Variants in FOXN3 observed in about 807,000 individuals in gnomAD.
The protein encoded by FOXN3 is forkhead box N3.
Under a neutral mutation model 38.4 loss-of-function variants are expected in FOXN3, and 7 were observed. The observed-to-expected ratio is 0.18, with a 90% CI of 0.10 to 0.34. The LOEUF is 0.34. Among genes scored for constraint, FOXN3 ranks in the 10% least tolerant of loss-of-function variants. The probability of loss-of-function intolerance (pLI) is 1.00; values close to 1 mark genes in which losing one functional copy is unlikely to be tolerated. For synonymous variants in FOXN3, 230 were observed against 242.2 expected, an observed-to-expected ratio of 0.95 and a Z score of 0.47; for missense variants, 456 against 613.4, an observed-to-expected ratio of 0.74 and a Z score of 2.71.
intron 1 of FOXN3, among the ~76,000 whole-genome samples, chr14:89,467,357 G>C (rs1432700214): frequency 6.6e-6 from 1 of 152,160 alleles, no homozygotes; most frequent in Non-Finnish European, 1.5e-5. Context: ...AAAGGGGCTG[G>C]GAACATGGGA....
At position 89,505,128 on chromosome 14, in the gene FOXN3, C is replaced by T. The variant is rs1351913339; in HGVS notation, c.-14-92638G>A. Among the ~76,000 whole-genome samples the T allele has an allele frequency of 2.6e-5, 4 of 152,184 alleles. No individual in the cohort carries two copies. The South Asian group carries it at 8.3e-4, about 32-fold the overall frequency. Reference sequence around the variant, plus strand: ...TGATGGTCAAATCTTACCTCTGCAGCCTAAACTAGATCAGAGATGCAGCAT... The same window carrying T: ...TGATGGTCAAATCTTACCTCTGCAGTCTAAACTAGATCAGAGATGCAGCAT... On this transcript the variant is annotated intron_variant, in intron 1 of 6. Coordinates refer to the FOXN3 transcript ENST00000345097.
chr14:89,245,260 G>A (rs1481054975), intron 4 of FOXN3, among the ~76,000 whole-genome samples: 4 of 152,074 alleles, frequency 2.6e-5, no homozygotes, highest in East Asian at 1.9e-4. Context: ...TGGGTCATTC[G>A]GGGCCCTTTC....
chr14:89,594,875 A>C (rs1393378920), intron 1 of FOXN3, among the ~76,000 whole-genome samples: 1 of 152,062 alleles, frequency 6.6e-6, no homozygotes, highest in East Asian at 1.9e-4. Context: ...CTGTGTCAAA[A>C]AAAAAAGTAC....
rs867671987 is a variant in FOXN3 at position 89,425,905 on chromosome 14, G to A, written c.-14-13415C>T. 2.6e-5 allele frequency among the ~76,000 whole-genome samples: 4 copies of A among 151,986 alleles called. 1 individual carries two copies. In the Middle Eastern group the frequency reaches 0.01, roughly 388 times the overall value. On this transcript the variant is annotated intron_variant, in intron 1 of 6. Transcript: ENST00000345097. ...TTAAGAAGCTTTTTGAATATATATT[G>A]TTGTTCATTCACAACGAACTGTGCC...
chr14:89,362,928 C>T (rs763643088), intron 2 of FOXN3, among the ~76,000 whole-genome samples: 6 of 152,070 alleles, frequency 3.9e-5, no homozygotes, highest in African/African-American at 9.7e-5. Context: ...CCCTGAACAC[C>T]GCTTGTAAAG....
intron 2 of FOXN3, among the ~76,000 whole-genome samples, chr14:89,360,242 C>T (rs887068868): frequency 2.0e-5 from 3 of 151,666 alleles, no homozygotes; most frequent in African/African-American, 7.3e-5. Context: ...GCCCAGCTGC[C>T]CCTAAAGGAG....
intron 1 of FOXN3, among the ~76,000 whole-genome samples, chr14:89,520,652 T>G (rs1894299710): frequency 6.6e-6 from 1 of 152,198 alleles, no homozygotes; most frequent in African/African-American, 2.4e-5. Context: ...GCAATTAGTT[T>G]CCTAAAGATA....
chr14:89,352,759 A>G (rs1308193192), intron 2 of FOXN3, among the ~76,000 whole-genome samples: 1 of 152,224 alleles, frequency 6.6e-6, no homozygotes, highest in African/African-American at 2.4e-5. Context: ...ATAATATGAC[A>G]AAGAAATGAA....
intron 5 of FOXN3, among the ~76,000 whole-genome samples, chr14:89,178,865 A>T (rs1214320574): frequency 6.6e-6 from 1 of 152,232 alleles, no homozygotes; most frequent in African/African-American, 2.4e-5. Flanking sequence ...CACTAAAAAA[A>T]ATGGTCAAGA....
chr14:89,180,985 CACAG>C (rs1005574959), intron 4 of FOXN3, among the ~76,000 whole-genome samples, 179 bp from the exon 5 acceptor site: 59 of 150,402 alleles, frequency 3.9e-4, no homozygotes, highest in Admixed American at 3.2e-3. Flanking sequence ...CACAGACATG[CACAG>C]ACACACACTC....
intron 4 of FOXN3, among the ~76,000 whole-genome samples, chr14:89,274,867 C>G (rs1208865508): frequency 6.6e-6 from 1 of 152,194 alleles, no homozygotes; most frequent in Non-Finnish European, 1.5e-5. Flanking sequence ...GCCTTTGCCC[C>G]ATCCTGAGAA....
chr14:89,608,101 C>T (rs1896310465), intron 1 of FOXN3, among the ~76,000 whole-genome samples: 2 of 152,186 alleles, frequency 1.3e-5, no homozygotes, highest in African/African-American at 4.8e-5. Flanking sequence ...GCCTCAGCCT[C>T]CCGAGTACCT....
chr14:89,470,263 T>C (rs2139743625), intron 1 of FOXN3, among the ~76,000 whole-genome samples: 1 of 149,138 alleles, frequency 6.7e-6, no homozygotes, highest in South Asian at 2.2e-4. Flanking sequence ...GGAATCAACC[T>C]ACAATTATTA....
chr14:89,612,138 T>G (rs1896405430), intron 1 of FOXN3, among the ~76,000 whole-genome samples: 1 of 152,162 alleles, frequency 6.6e-6, no homozygotes, highest in South Asian at 2.1e-4. Flanking sequence ...TGGGTGACTC[T>G]GGGAACACAG....
chr14:89,604,294 C>A, intron 1 of FOXN3, among the ~76,000 whole-genome samples: 1 of 150,762 alleles, frequency 6.6e-6, no homozygotes, highest in African/African-American at 2.4e-5. Flanking sequence ...GAGAGAGAAA[C>A]AAAGCACCAT....
intron 1 of FOXN3, among the ~76,000 whole-genome samples, chr14:89,486,143 A>G (rs1430841745): frequency 1.3e-5 from 2 of 152,182 alleles, no homozygotes; most frequent in African/African-American, 4.8e-5. Flanking sequence ...CACCTGTCCC[A>G]AGAACACACA....
intron 4 of FOXN3, among the ~76,000 whole-genome samples, chr14:89,254,251 T>C (rs1885549551): frequency 6.6e-6 from 1 of 152,206 alleles, no homozygotes; most frequent in African/African-American, 2.4e-5. Flanking sequence ...GTTCCATGTT[T>C]TAGCTGCATC....
chr14:89,325,332 C>CACG (rs1566956878), intron 3 of FOXN3, among the ~76,000 whole-genome samples: 121 of 135,830 alleles, frequency 8.9e-4, no homozygotes, highest in African/African-American at 3.8e-3. Flanking sequence ...CCACCACCAC[C>CACG]ACCACCACCA....
intron 5 of FOXN3, among the ~76,000 whole-genome samples, chr14:89,177,009 CTTTTT>C (rs34575638): frequency 8.8e-5 from 10 of 114,196 alleles, no homozygotes; most frequent in Non-Finnish European, 1.1e-4. Flanking sequence ...CTCTTTCTTT[CTTTTT>C]TTTTTTTTTT....
Sources: gnomAD v4.1 joint callset for allele counts (sites outside exome capture counted in the v4.1 genomes callset) on GRCh38, gnomAD v4.1.1 for gene constraint, MANE v1.5 for transcripts, NCBI Gene and HGNC (gene_info 2026-07-23, HGNC 2026-07-21) for gene names.